The following SLIT3 variants were observed in gnomAD, a reference collection of about 807,000 sequenced individuals.
The protein encoded by SLIT3 is slit guidance ligand 3.
In SLIT3, 68 loss-of-function variants were observed where a neutral mutation model predicts 184.0. The ratio of observed to expected loss-of-function variants is 0.37; its 90% CI spans 0.30 to 0.45. The LOEUF (loss-of-function observed/expected upper bound fraction) is 0.45, where lower values mean the gene tolerates loss of function less well. Among genes scored for constraint, SLIT3 ranks in the 20% least tolerant of loss-of-function variants. The pLI, the probability that SLIT3 is intolerant of heterozygous loss-of-function variation, is 1.00. For missense variants in SLIT3, 1,707 were observed against 2,026.0 expected, an observed-to-expected ratio of 0.84 and a Z score of 3.02; for synonymous variants, 831 against 828.6, an observed-to-expected ratio of 1.00 and a Z score of -0.05.
intron 4 of SLIT3, among the ~76,000 whole-genome samples, chr5:168,928,004 C>T (rs1761883939): frequency 6.6e-6 from 1 of 152,214 alleles, no homozygotes; most frequent in African/African-American, 2.4e-5. Context: ...TCACCTATCC[C>T]ACTGCATTCC....
At chr5:168,757,367 T>C (rs1335959557) in intron 16 of SLIT3, among the ~76,000 whole-genome samples, 1 of 152,234 alleles carries the variant, frequency 6.6e-6, no homozygotes, top group Non-Finnish European at 1.5e-5. Flanking sequence ...GCAGCCAAGT[T>C]CCACATTTGT....
At chr5:169,016,526 A>C (rs1394291060) in intron 4 of SLIT3, among the ~76,000 whole-genome samples, 1 of 152,248 alleles carries the variant, frequency 6.6e-6, no homozygotes, top group African/African-American at 2.4e-5. Context: ...ATTCCTATTG[A>C]GAAGTCACTC....
chr5:168,671,124 A>G, intron 34 of SLIT3, 74 bp downstream of exon 34: 1 of 1,514,390 alleles, frequency 6.6e-7, no homozygotes, highest in East Asian at 2.3e-5. Flanking sequence ...AGTAGTGCCT[A>G]TTTCTCAGGT....
At chr5:168,971,750 T>C (rs374390753) in intron 4 of SLIT3, among the ~76,000 whole-genome samples, 6 of 152,238 alleles carry the variant, frequency 3.9e-5, no homozygotes, top group Non-Finnish European at 5.9e-5. Flanking sequence ...CTCTGCTCCA[T>C]AGAAATGTCT....
chr5:168,865,423 C>T (rs556836420), intron 5 of SLIT3, among the ~76,000 whole-genome samples: 3 of 152,312 alleles, frequency 2.0e-5, no homozygotes, highest in Admixed American at 6.5e-5. Context: ...GAACACATTA[C>T]TGACAATACA....
At chr5:169,113,106 G>T (rs935354678) in intron 4 of SLIT3, among the ~76,000 whole-genome samples, 1 of 152,138 alleles carries the variant, frequency 6.6e-6, no homozygotes, top group Non-Finnish European at 1.5e-5. Flanking sequence ...CAAGTGTACA[G>T]CTCTGTGGCG....
chr5:168,976,166 C>G (rs375980574), intron 4 of SLIT3, among the ~76,000 whole-genome samples: 1 of 152,258 alleles, frequency 6.6e-6, no homozygotes, highest in African/African-American at 2.4e-5. Context: ...TCATTACCTA[C>G]TTTTATAGGG....
chr5:168,823,025 G>A (rs897936692), intron 7 of SLIT3, among the ~76,000 whole-genome samples: 2 of 152,190 alleles, frequency 1.3e-5, no homozygotes, highest in African/African-American at 4.8e-5. Context: ...TAAGAGAAAT[G>A]AGTCTGTCTG....
chr5:168,746,725 G>A (rs796414546), intron 20 of SLIT3, among the ~76,000 whole-genome samples: 9 of 76,726 alleles, frequency 1.2e-4, no homozygotes, highest in East Asian at 5.3e-4. Flanking sequence ...TGGGTGTGGC[G>A]GTGTGTGGTG....
chr5:169,003,829 G>C (rs1456883065), intron 4 of SLIT3, among the ~76,000 whole-genome samples: 1 of 147,356 alleles, frequency 6.8e-6, no homozygotes, highest in Non-Finnish European at 1.5e-5. Flanking sequence ...TGGCTGATAA[G>C]TAAGGAACAG....
chr5:168,982,562 T>A (rs988732224), intron 4 of SLIT3, among the ~76,000 whole-genome samples: 1 of 152,254 alleles, frequency 6.6e-6, no homozygotes, highest in African/African-American at 2.4e-5. Flanking sequence ...TATTTCATTT[T>A]TCTAGTAAGT....
chr5:168,962,898 G>A (rs1763065985), intron 4 of SLIT3, among the ~76,000 whole-genome samples: 1 of 152,156 alleles, frequency 6.6e-6, no homozygotes. Flanking sequence ...TCAGGGCTCA[G>A]CTGAAATCAC....
At chr5:168,931,281 T>C (rs1035264463) in intron 4 of SLIT3, among the ~76,000 whole-genome samples, 1 of 152,228 alleles carries the variant, frequency 6.6e-6, no homozygotes, top group Non-Finnish European at 1.5e-5. Flanking sequence ...TACCTGGCAA[T>C]TGCCTTTTCA....
At chr5:169,173,013 G>C (rs1204809277) in intron 4 of SLIT3, among the ~76,000 whole-genome samples, 2 of 152,184 alleles carry the variant, frequency 1.3e-5, no homozygotes, top group Non-Finnish European at 2.9e-5. Flanking sequence ...TGTAATCCCA[G>C]CACTTTGAAA....
chr5:169,202,636 G>T (rs1023001034), intron 3 of SLIT3, among the ~76,000 whole-genome samples: 2 of 152,154 alleles, frequency 1.3e-5, no homozygotes, highest in East Asian at 3.9e-4. Flanking sequence ...TGCCGGCCAT[G>T]CCTCTCTGGT....
At chr5:169,166,698 G>T (rs539647409) in intron 4 of SLIT3, among the ~76,000 whole-genome samples, 1 of 152,190 alleles carries the variant, frequency 6.6e-6, no homozygotes, top group East Asian at 1.9e-4. Flanking sequence ...TCCAGTTTCT[G>T]GTTTACTTCA....
chr5:168,720,739 A>G (rs1435790183), intron 23 of SLIT3: 1 of 152,234 alleles, frequency 6.6e-6, no homozygotes, highest in Non-Finnish European at 1.5e-5. Context: ...ACAATAACAG[A>G]TTGCACACTG....
At chr5:169,149,046 G>A (rs994135214) in intron 4 of SLIT3, among the ~76,000 whole-genome samples, 2 of 152,306 alleles carry the variant, frequency 1.3e-5, no homozygotes, top group East Asian at 1.9e-4. Context: ...CCCGCCAAAA[G>A]CTACAGAGCT....
intron 3 of SLIT3, among the ~76,000 whole-genome samples, chr5:169,201,281 C>T (rs1346655301): frequency 1.3e-5 from 2 of 152,158 alleles, no homozygotes; most frequent in Non-Finnish European, 2.9e-5. Flanking sequence ...AGTTTGTGGT[C>T]ATACTTTAAA....
Sources: allele counts gnomAD v4.1 joint callset (sites outside exome capture counted in the v4.1 genomes callset), GRCh38; gene constraint gnomAD v4.1.1; transcripts MANE v1.5; gene names NCBI Gene and HGNC (gene_info 2026-07-23, HGNC 2026-07-21).